COP1: variants seen among roughly 807,000 people sequenced by gnomAD.
COP1 encodes COP1 E3 ubiquitin ligase.
A neutral mutation model predicts 101.3 loss-of-function variants in COP1; 24 were observed. The ratio of observed to expected loss-of-function variants is 0.24; its 90% CI spans 0.17 to 0.33. COP1 has a LOEUF of 0.33. COP1 is among the 10% of genes least tolerant of loss of function. The pLI, the probability that COP1 is intolerant of heterozygous loss-of-function variation, is 1.00. For synonymous variants in COP1, 347 were observed against 341.9 expected (o/e 1.01, Z -0.17); for missense variants, 663 against 906.2 (o/e 0.73, Z 3.45).
intron 11 of COP1, among the ~76,000 whole-genome samples, chr1:176,072,917 C>G (rs11806468): frequency 6.6e-6 from 1 of 152,012 alleles, no homozygotes; most frequent in African/African-American, 2.4e-5. Context: ...GTGTCAGAAC[C>G]TCAAAAGAAT....
chr1:176,138,344 CAAG>C (rs2149753346), intron 6 of COP1, among the ~76,000 whole-genome samples: 1 of 152,224 alleles, frequency 6.6e-6, no homozygotes, highest in African/African-American at 2.4e-5. Context: ...CATTAACAAT[CAAG>C]AAGGGCAAAG....
intron 1 of COP1, among the ~76,000 whole-genome samples, chr1:176,185,022 C>T (rs570303494): frequency 6.6e-6 from 1 of 152,184 alleles, no homozygotes; most frequent in East Asian, 1.9e-4. Context: ...GAAAGCTCTA[C>T]CATCGTTTTC....
At chr1:176,183,607 C>T (rs1490237231) in intron 2 of COP1, among the ~76,000 whole-genome samples, 1 of 152,140 alleles carries the variant, frequency 6.6e-6, no homozygotes, top group Admixed American at 6.5e-5. Flanking sequence ...TCTGAGTATA[C>T]ACCCAAAAGA....
intron 1 of COP1, among the ~76,000 whole-genome samples, chr1:176,188,891 A>G (rs1310888024): frequency 1.3e-5 from 2 of 151,992 alleles, no homozygotes; most frequent in East Asian, 1.9e-4. Flanking sequence ...GAGTTGTGAC[A>G]TATGTGAAAT....
intron 9 of COP1, among the ~76,000 whole-genome samples, chr1:176,106,914 C>T (rs1304459852): frequency 2.0e-5 from 3 of 152,192 alleles, no homozygotes; most frequent in African/African-American, 4.8e-5. Flanking sequence ...GACTTTGGAT[C>T]TCCTGGCATT....
intron 18 of COP1, among the ~76,000 whole-genome samples, chr1:175,979,198 C>A (rs965250880): frequency 6.6e-6 from 1 of 152,046 alleles, no homozygotes; most frequent in Non-Finnish European, 1.5e-5. Context: ...CTTCCTCCCC[C>A]AAAATATGTA....
At position 176,047,636 on chromosome 1, in the gene COP1, T is replaced by C. The variant is rs1295178730; in HGVS notation, c.1278-1312A>G. Among the ~76,000 whole-genome samples, 3 of 152,330 alleles carry C rather than the reference T, an allele frequency of 2.0e-5. No homozygotes were observed. The East Asian group carries it at 5.8e-4, about 29-fold the overall frequency. ...GCTAGTGCTCTGTATCTATTAAGCA[T>C]TCATTTAATGCACAAAATACAAACA... On this transcript the variant is annotated intron_variant, in intron 11 of 19. Transcript: ENST00000367669.
At chr1:176,132,609 T>A (rs974634651) in intron 8 of COP1, among the ~76,000 whole-genome samples, 1 of 113,962 alleles carries the variant, frequency 8.8e-6, no homozygotes, top group African/African-American at 3.3e-5. Context: ...TATGTACGTA[T>A]ATATACTATA....
At chr1:176,152,717 G>A (rs761056044) in intron 5 of COP1, among the ~76,000 whole-genome samples, 3 of 151,990 alleles carry the variant, frequency 2.0e-5, no homozygotes, top group Admixed American at 6.6e-5. Flanking sequence ...CCGTAATTAC[G>A]GCGTGAGCCA....
intron 15 of COP1, chr1:176,018,754 C>T (rs1666123414): frequency 6.6e-6 from 1 of 152,202 alleles, no homozygotes; most frequent in African/African-American, 2.4e-5. Context: ...CTCCTGTAGT[C>T]CCAGCTACTT....
At chr1:176,137,353 T>C (rs1014756655) in intron 6 of COP1, among the ~76,000 whole-genome samples, 2 of 152,178 alleles carry the variant, frequency 1.3e-5, no homozygotes, top group Non-Finnish European at 1.5e-5. Flanking sequence ...CAGATTTCAT[T>C]TCATTTTCAG....
chr1:176,189,000 T>C (rs1698805467), intron 1 of COP1, among the ~76,000 whole-genome samples: 1 of 152,046 alleles, frequency 6.6e-6, no homozygotes, highest in Admixed American at 6.6e-5. Flanking sequence ...AATAACAAAA[T>C]ACATCAAACC....
intron 18 of COP1, chr1:175,982,442 C>G: frequency 2.2e-6 from 1 of 455,868 alleles, no homozygotes; most frequent in Non-Finnish European, 4.4e-6. Flanking sequence ...CCTTCTCAGC[C>G]TACTCCATGT....
At chr1:176,172,436 A>G (rs549694830) in intron 3 of COP1, among the ~76,000 whole-genome samples, 3 of 152,350 alleles carry the variant, frequency 2.0e-5, no homozygotes, top group African/African-American at 7.2e-5. Flanking sequence ...CAAAATTTTC[A>G]TATGAGTTAT....
chr1:176,004,837 G>A (rs982639795), intron 15 of COP1, among the ~76,000 whole-genome samples: 3 of 151,378 alleles, frequency 2.0e-5, no homozygotes, highest in Non-Finnish European at 2.9e-5. Flanking sequence ...TCTCTGCCCG[G>A]CTTTGGTGTC....
intron 15 of COP1, among the ~76,000 whole-genome samples, chr1:175,992,746 G>A (rs562935855): frequency 2.6e-5 from 4 of 152,366 alleles, no homozygotes; most frequent in East Asian, 3.9e-4. Context: ...CAGCTGGGAA[G>A]CTCGAACTGG....
intron 15 of COP1, among the ~76,000 whole-genome samples, chr1:175,992,047 C>T (rs538579053): frequency 8.5e-4 from 129 of 152,184 alleles, no homozygotes; most frequent in Non-Finnish European, 1.5e-3. Flanking sequence ...GTGTAGTATA[C>T]GTAATCGTAT....
chr1:175,982,408 AG>A (rs1656090246), intron 18 of COP1: 1 of 456,582 alleles, frequency 2.2e-6, no homozygotes, highest in Admixed American at 2.3e-5. Flanking sequence ...CTCCAGAGAA[AG>A]ACCAACCCCA....
intron 8 of COP1, among the ~76,000 whole-genome samples, chr1:176,125,596 T>C (rs1218801428): frequency 1.3e-5 from 2 of 152,222 alleles, no homozygotes; most frequent in African/African-American, 4.8e-5. Flanking sequence ...TCTGTTTTTA[T>C]GCCAGTACCA....
Sources: allele counts gnomAD v4.1 joint callset (sites outside exome capture counted in the v4.1 genomes callset), GRCh38; gene constraint gnomAD v4.1.1; transcripts MANE v1.5; gene names NCBI Gene and HGNC (gene_info 2026-07-23, HGNC 2026-07-21).